Variants in DRC9 observed in about 807,000 individuals in gnomAD.
The protein encoded by DRC9 is dynein regulatory complex subunit 9.
the DRC9 span, among the ~76,000 whole-genome samples, chr3:197,907,921 C>A: frequency 7.6e-5 from 10 of 131,098 alleles, no homozygotes; most frequent in African/African-American, 8.7e-5. Flanking sequence ...ACCCCTTTCC[C>A]AGGCATCCTC....
the DRC9 span, chr3:197,949,929 T>C: frequency 3.4e-5 from 14 of 413,046 alleles, no homozygotes; most frequent in African/African-American, 2.7e-4. Context: ...GTAAACTAAG[T>C]TGTTTCTATG....
At chr3:197,917,770 G>T in the DRC9 span, among the ~76,000 whole-genome samples, 42 of 150,130 alleles carry the variant, frequency 2.8e-4, no homozygotes, top group African/African-American at 1.0e-3. Context: ...TCGCTGTGTT[G>T]CCCAGGCTGG....
the DRC9 span, among the ~76,000 whole-genome samples, chr3:197,955,551 AG>A: frequency 1.3e-5 from 2 of 152,148 alleles, no homozygotes; most frequent in African/African-American, 4.8e-5. Context: ...TGTGAGCCAC[AG>A]CACCTGGCCA....
the DRC9 span, chr3:197,959,356 G>C: frequency 6.6e-6 from 1 of 152,300 alleles, no homozygotes; most frequent in Admixed American, 6.5e-5. Flanking sequence ...ATGTGGTTTG[G>C]AATCCCACCT....
the DRC9 span, among the ~76,000 whole-genome samples, chr3:197,889,901 G>T: frequency 1.3e-5 from 2 of 152,200 alleles, no homozygotes; most frequent in Non-Finnish European, 2.9e-5. Flanking sequence ...CGGAGCTTAA[G>T]CCATGGACTC....
the DRC9 span, among the ~76,000 whole-genome samples, chr3:197,890,417 AAG>A: frequency 2.0e-5 from 3 of 151,388 alleles, no homozygotes; most frequent in Admixed American, 6.6e-5. Context: ...AAAAAAAAAA[AAG>A]AAAAGCACAG....
At chr3:197,958,014 C>T in the DRC9 span, 2 of 152,148 alleles carry the variant, frequency 1.3e-5, no homozygotes, top group Non-Finnish European at 2.9e-5. Context: ...GGATCTTAGG[C>T]TTAAGATTGT....
At chr3:197,938,090 T>C in the DRC9 span, among the ~76,000 whole-genome samples, 1 of 151,428 alleles carries the variant, frequency 6.6e-6, no homozygotes, top group South Asian at 2.1e-4. Context: ...CCGAGGCGGG[T>C]GGATCACCTG....
At chr3:197,904,023 C>T in the DRC9 span, among the ~76,000 whole-genome samples, 17 of 96,402 alleles carry the variant, frequency 1.8e-4, no homozygotes, top group South Asian at 1.3e-3. Flanking sequence ...TATATACATA[C>T]ATATATATAT....
the DRC9 span, among the ~76,000 whole-genome samples, chr3:197,909,775 T>A: frequency 6.6e-6 from 1 of 152,140 alleles, no homozygotes; most frequent in Non-Finnish European, 1.5e-5. Context: ...AGCAGATCAC[T>A]TGAGGGCAGG....
At chr3:197,953,848 A>C in the DRC9 span, 1 of 725,632 alleles carries the variant, frequency 1.4e-6, no homozygotes, top group Non-Finnish European at 2.5e-6. Flanking sequence ...GTTACTCGAT[A>C]AGTATCTGTT....
At chr3:197,954,319 T>C in the DRC9 span, 2 of 728,178 alleles carry the variant, frequency 2.7e-6, no homozygotes, top group Non-Finnish European at 4.7e-6. Flanking sequence ...AATTAGGTGT[T>C]TGGTTGTTTG....
At chr3:197,891,341 G>T in the DRC9 span, 1 of 645,638 alleles carries the variant, frequency 1.5e-6, no homozygotes, top group South Asian at 1.9e-5. Flanking sequence ...TCTCAGATCT[G>T]CAGTTCCTTG....
the DRC9 span, among the ~76,000 whole-genome samples, chr3:197,904,039 C>CAT: frequency 4.9e-3 from 320 of 65,266 alleles, 1 homozygote; most frequent in African/African-American, 0.028. Flanking sequence ...TATATACATA[C>CAT]ATATATATAC....
chr3:197,911,197 T>A, the DRC9 span, among the ~76,000 whole-genome samples: 1 of 152,030 alleles, frequency 6.6e-6, no homozygotes, highest in Non-Finnish European at 1.5e-5. Context: ...ATAAAACAAC[T>A]CATTAAATTA....
the DRC9 span, among the ~76,000 whole-genome samples, chr3:197,951,834 C>T: frequency 6.8e-6 from 1 of 146,916 alleles, no homozygotes; most frequent in African/African-American, 2.5e-5. Context: ...AGTAGCTGGG[C>T]TTACAGGGGT....
chr3:197,930,254 A>G, the DRC9 span, among the ~76,000 whole-genome samples: 4 of 152,110 alleles, frequency 2.6e-5, no homozygotes, highest in Admixed American at 2.6e-4. Flanking sequence ...GGGCTGAGGC[A>G]GGAGGATTGC....
chr3:197,947,928 CTTTTTTTTT>C, the DRC9 span, among the ~76,000 whole-genome samples: 8 of 96,770 alleles, frequency 8.3e-5, no homozygotes, highest in Non-Finnish European at 1.6e-4. Context: ...CCTGCTTTAC[CTTTTTTTTT>C]TTTTTTTTTT....
At chr3:197,953,526 G>A in the DRC9 span, 8 of 457,082 alleles carry the variant, frequency 1.8e-5, no homozygotes, top group African/African-American at 1.6e-4. Context: ...CTTTCTTCCG[G>A]CCAGGACACA....
Sources: gnomAD v4.1 joint callset for allele counts (sites outside exome capture counted in the v4.1 genomes callset) on GRCh38, gnomAD v4.1.1 for gene constraint, MANE v1.5 for transcripts, NCBI Gene and HGNC (gene_info 2026-07-23, HGNC 2026-07-21) for gene names.